Variants in FRY observed in about 807,000 individuals in gnomAD.
FRY encodes FRY microtubule binding protein, also known as protein furry homolog.
A neutral mutation model predicts 348.4 loss-of-function variants in FRY; 128 were observed. The ratio of observed to expected loss-of-function variants is 0.37; its 90% confidence interval spans 0.32 to 0.43. The LOEUF (loss-of-function observed/expected upper bound fraction) is 0.43, where lower values mean the gene tolerates loss of function less well. Ranked by LOEUF, FRY falls within the 20% of genes least tolerant of loss-of-function variation. The pLI, the probability that FRY is intolerant of heterozygous loss-of-function variation, is 1.00. For missense variants in FRY, 2,736 were observed against 3,695.2 expected (o/e 0.74, Z 6.73); for synonymous variants, 1,370 against 1,374.7 (o/e 1.00, Z 0.08).
chr13:32,062,276 A>G (rs975628565), intron 1 of FRY, among the ~76,000 whole-genome samples: 2 of 151,728 alleles, frequency 1.3e-5, no homozygotes, highest in South Asian at 4.2e-4. Flanking sequence ...TCATTATAGG[A>G]CTCATATGAA....
At chr13:32,133,768 C>CTTTTTTTTTTTTTTTTTTTTTTTTTTAT (rs34413710) in intron 8 of FRY, among the ~76,000 whole-genome samples, 1 of 89,286 alleles carries the variant, frequency 1.1e-5, no homozygotes, top group Non-Finnish European at 2.1e-5. Flanking sequence ...TTCTTTCTTT[C>CTTTTTTTTTTTTTTTTTTTTTTTTTTAT]TTTTTTTTTT....
intron 35 of FRY, among the ~76,000 whole-genome samples, chr13:32,214,986 A>T (rs561252638): frequency 2.0e-5 from 3 of 152,346 alleles, no homozygotes; most frequent in Non-Finnish European, 4.4e-5. Context: ...ATATTTAATA[A>T]TGCCGTTCCT....
intron 1 of FRY, among the ~76,000 whole-genome samples, chr13:32,053,764 A>C (rs1324921967): frequency 6.6e-6 from 1 of 152,230 alleles, no homozygotes; most frequent in Non-Finnish European, 1.5e-5. Flanking sequence ...AATATGGAAA[A>C]ACACATGAGC....
At chr13:32,032,056 C>A (rs1010387202) in intron 1 of FRY, among the ~76,000 whole-genome samples, 191 bp downstream of exon 1, 7 of 136,456 alleles carry the variant, frequency 5.1e-5, no homozygotes, top group Non-Finnish European at 1.1e-4. Flanking sequence ...TTTTTGCTCC[C>A]ATCTGCTGTG....
intron 1 of FRY, among the ~76,000 whole-genome samples, chr13:32,061,547 AG>A (rs1480455909): frequency 6.6e-6 from 1 of 152,208 alleles, no homozygotes; most frequent in African/African-American, 2.4e-5. Context: ...ATATTATAGT[AG>A]AAGTAGGATT....
chr13:32,097,719 G>C (rs1386812525), intron 2 of FRY, among the ~76,000 whole-genome samples: 1 of 151,900 alleles, frequency 6.6e-6, no homozygotes, highest in African/African-American at 2.4e-5. Context: ...ATTATGTATA[G>C]TTTTAAACAA....
chr13:32,185,867 C>T (rs1370805617), intron 26 of FRY, among the ~76,000 whole-genome samples: 1 of 152,152 alleles, frequency 6.6e-6, no homozygotes, highest in Admixed American at 6.5e-5. Context: ...AAGCGAAGTA[C>T]CTATGTGAGT....
chr13:32,166,054 G>C (rs1226337175), intron 17 of FRY, among the ~76,000 whole-genome samples: 1 of 152,154 alleles, frequency 6.6e-6, no homozygotes, highest in Non-Finnish European at 1.5e-5. Flanking sequence ...GACGTGAGCA[G>C]TGAGAATCAT....
chr13:32,231,341 T>C, intron 41 of FRY, 41 bp downstream of exon 41: 1 of 1,599,798 alleles, frequency 6.3e-7, no homozygotes, highest in Non-Finnish European at 8.6e-7. Flanking sequence ...TTCAGCATTG[T>C]TCTGTAATGG....
chr13:32,122,691 A>G (rs1236685847), intron 4 of FRY, among the ~76,000 whole-genome samples: 1 of 152,170 alleles, frequency 6.6e-6, no homozygotes, highest in East Asian at 1.9e-4. Context: ...AGCCAAAGCA[A>G]TCAGACAAGA....
intron 28 of FRY, 60 bp from the exon 29 acceptor site, chr13:32,194,083 C>G: frequency 6.7e-7 from 1 of 1,485,438 alleles, no homozygotes; most frequent in South Asian, 1.1e-5. Context: ...TTATCTGTAT[C>G]TTTCTCTAGA....
At chr13:32,126,378 A>G (rs1322815491) in intron 7 of FRY, among the ~76,000 whole-genome samples, 1 of 152,248 alleles carries the variant, frequency 6.6e-6, no homozygotes, top group African/African-American at 2.4e-5. Flanking sequence ...TTGGTTGTGA[A>G]TAAGTTGAGA....
chr13:32,228,772 C>G, intron 40 of FRY, 118 bp downstream of exon 40: 2 of 851,132 alleles, frequency 2.3e-6, no homozygotes, highest in South Asian at 1.4e-5. Context: ...TCCTGTTTCT[C>G]TTCTCAATTG....
At chr13:32,044,947 A>G (rs1219386996) in intron 1 of FRY, among the ~76,000 whole-genome samples, 1 of 152,220 alleles carries the variant, frequency 6.6e-6, no homozygotes, top group Non-Finnish European at 1.5e-5. Context: ...CAATAATTGC[A>G]GTAAAATATG....
At chr13:32,110,952 G>A (rs1877914975) in intron 3 of FRY, among the ~76,000 whole-genome samples, 1 of 152,182 alleles carries the variant, frequency 6.6e-6, no homozygotes, top group South Asian at 2.1e-4. Flanking sequence ...GGCATTTCAT[G>A]AGGAACAGCA....
chr13:32,201,050 A>G (rs1593731622), intron 29 of FRY, among the ~76,000 whole-genome samples: 3 of 152,044 alleles, frequency 2.0e-5, no homozygotes, highest in African/African-American at 7.3e-5. Flanking sequence ...CTTCTCTGAA[A>G]CTTTAGGGTG....
At chr13:32,150,683 T>C (rs1880737809) in intron 14 of FRY, among the ~76,000 whole-genome samples, 1 of 152,188 alleles carries the variant, frequency 6.6e-6, no homozygotes, top group Non-Finnish European at 1.5e-5. Context: ...GAGAGGAGAC[T>C]GCACACCATA....
intron 14 of FRY, among the ~76,000 whole-genome samples, chr13:32,154,756 G>A (rs1881006676): frequency 6.6e-6 from 1 of 152,164 alleles, no homozygotes. Context: ...AAAAATATTG[G>A]TGTAAATGTT....
chr13:32,121,782 A>G (rs1878672934), intron 4 of FRY, among the ~76,000 whole-genome samples: 2 of 152,124 alleles, frequency 1.3e-5, no homozygotes, highest in African/African-American at 4.8e-5. Flanking sequence ...CTTTAGTTTA[A>G]TTAGGTCCCA....
Sources: gnomAD v4.1 joint callset for allele counts (sites outside exome capture counted in the v4.1 genomes callset) on GRCh38, gnomAD v4.1.1 for gene constraint, MANE v1.5 for transcripts, NCBI Gene and HGNC (gene_info 2026-07-23, HGNC 2026-07-21) for gene names.